The following AGBL4 variants were observed in gnomAD, a reference collection of about 807,000 sequenced individuals.
AGBL4 encodes the protein cytosolic carboxypeptidase 6.
Under a neutral mutation model 66.4 loss-of-function variants are expected in AGBL4, and 58 were observed. That is an observed-to-expected ratio of 0.87 (90% CI 0.71 to 1.09). The LOEUF is 1.09. AGBL4 is among the 50% of genes least tolerant of loss of function. AGBL4 has a pLI of 0.00. For missense variants in AGBL4, 579 were observed against 631.0 expected (o/e 0.92, Z 0.88); for synonymous variants, 234 against 222.9 (o/e 1.05, Z -0.44).
intron 4 of AGBL4, among the ~76,000 whole-genome samples, chr1:49,100,201 T>C (rs1398930623): frequency 6.6e-6 from 1 of 152,130 alleles, no homozygotes; most frequent in Non-Finnish European, 1.5e-5. Context: ...AAACTAAGGG[T>C]ACCCTTGTTA....
chr1:49,154,279 A>G (rs1646390167), intron 4 of AGBL4, among the ~76,000 whole-genome samples: 1 of 151,944 alleles, frequency 6.6e-6, no homozygotes, highest in Non-Finnish European at 1.5e-5. Context: ...CCTGGAAAAC[A>G]GGGAAAGTAA....
At chr1:49,351,676 A>G (rs1418807936) in intron 3 of AGBL4, among the ~76,000 whole-genome samples, 3 of 152,136 alleles carry the variant, frequency 2.0e-5, no homozygotes, top group Non-Finnish European at 4.4e-5. Flanking sequence ...ATTTTTTGTT[A>G]CTCTCTATAA....
At chr1:49,571,203 T>G (rs1415184029) in intron 3 of AGBL4, among the ~76,000 whole-genome samples, 1 of 152,004 alleles carries the variant, frequency 6.6e-6, no homozygotes, top group Non-Finnish European at 1.5e-5. Flanking sequence ...ACTACATTAA[T>G]TCTTCAGGTA....
intron 1 of AGBL4, among the ~76,000 whole-genome samples, chr1:49,893,634 C>T (rs1648876115): frequency 6.6e-6 from 1 of 152,178 alleles, no homozygotes; most frequent in Non-Finnish European, 1.5e-5. Context: ...GATGCTCCTC[C>T]ACCAGTGGAA....
chr1:49,125,345 C>T (rs1051337015), intron 4 of AGBL4, among the ~76,000 whole-genome samples: 6 of 151,982 alleles, frequency 3.9e-5, no homozygotes, highest in South Asian at 2.1e-4. Context: ...TTATAGATGG[C>T]GAAATGGTAT....
intron 4 of AGBL4, among the ~76,000 whole-genome samples, chr1:49,139,678 G>A (rs1270739827): frequency 6.6e-6 from 1 of 152,138 alleles, no homozygotes; most frequent in South Asian, 2.1e-4. Context: ...GTGAACAAAT[G>A]GATGGATGAA....
chr1:48,735,356 T>G (rs967052726), intron 6 of AGBL4, among the ~76,000 whole-genome samples: 4 of 151,338 alleles, frequency 2.6e-5, no homozygotes, highest in African/African-American at 9.7e-5. Context: ...TCAATACCCA[T>G]TAGAGGGCCT....
chr1:49,357,505 A>G (rs997998826), intron 3 of AGBL4, among the ~76,000 whole-genome samples: 2 of 152,162 alleles, frequency 1.3e-5, no homozygotes, highest in Non-Finnish European at 2.9e-5. Context: ...AATAAGTAGC[A>G]TATATATCTG....
intron 6 of AGBL4, among the ~76,000 whole-genome samples, chr1:48,837,711 CTAT>C (rs1322097847): frequency 3.6e-5 from 3 of 82,298 alleles, no homozygotes; most frequent in African/African-American, 1.3e-4. Context: ...CACACACACA[CTAT>C]ATATATATAT....
chr1:48,827,928 G>A (rs1157284733), intron 6 of AGBL4, among the ~76,000 whole-genome samples: 1 of 151,506 alleles, frequency 6.6e-6, no homozygotes, highest in African/African-American at 2.4e-5. Context: ...GCCGAGGCGG[G>A]CAGATCACGA....
intron 11 of AGBL4, among the ~76,000 whole-genome samples, chr1:48,563,603 C>T (rs1644429845): frequency 6.6e-6 from 1 of 151,838 alleles, no homozygotes. Flanking sequence ...GAGAAAGTGA[C>T]AGAGAGAGAG....
intron 3 of AGBL4, among the ~76,000 whole-genome samples, chr1:49,667,079 T>C (rs1646386141): frequency 6.6e-6 from 1 of 152,120 alleles, no homozygotes; most frequent in Admixed American, 6.6e-5. Context: ...AAGATAGTTG[T>C]GAGAAACAAA....
chr1:50,019,304 T>TCACACACACA (rs796097397), intron 1 of AGBL4, among the ~76,000 whole-genome samples: 850 of 46,804 alleles, frequency 0.018, 8 homozygotes, highest in African/African-American at 0.037. Flanking sequence ...TCTCTCTCTC[T>TCACACACACA]CTCACACACA....
At chr1:48,778,895 CTGGTTATG>C (rs1467881723) in intron 6 of AGBL4, among the ~76,000 whole-genome samples, 1 of 152,108 alleles carries the variant, frequency 6.6e-6, no homozygotes, top group Non-Finnish European at 1.5e-5. Flanking sequence ...AACCAACCCA[CTGGTTATG>C]TGGTACAGCC....
chr1:48,807,720 G>T (rs1260262042), intron 6 of AGBL4, among the ~76,000 whole-genome samples: 1 of 152,158 alleles, frequency 6.6e-6, no homozygotes, highest in African/African-American at 2.4e-5. Context: ...AGATGTGCAG[G>T]ATTCTTGCAC....
At chr1:49,724,813 G>A (rs1487242607) in intron 2 of AGBL4, among the ~76,000 whole-genome samples, 1 of 152,092 alleles carries the variant, frequency 6.6e-6, no homozygotes, top group African/African-American at 2.4e-5. Context: ...GCGAGGACGT[G>A]GCAAGAAGAA....
rs568978615 is a variant in AGBL4, at chr1:49,716,097, A to G, written c.158-18660T>C. ...TTTATGGTTTTAGGTCTTATGTTGA[A>G]GTCTTTAATCCATCTTAAGTTAATT... On this transcript the variant is annotated intron_variant, in intron 2 of 13. Coordinates refer to ENST00000371839, the MANE Select transcript of AGBL4 (RefSeq NM_032785.4). Among the ~76,000 whole-genome samples the G allele has an allele frequency of 3.9e-5, 6 of 152,214 alleles. No homozygotes were observed. The South Asian group carries it at 1.2e-3, about 32-fold the overall frequency.
At chr1:48,773,797 C>T (rs1222599145) in intron 6 of AGBL4, among the ~76,000 whole-genome samples, 3 of 152,294 alleles carry the variant, frequency 2.0e-5, no homozygotes, top group Non-Finnish European at 4.4e-5. Context: ...TCGGTGTCCT[C>T]ATCTATGAAA....
chr1:49,509,411 C>G (rs1219615172), intron 3 of AGBL4, among the ~76,000 whole-genome samples: 1 of 151,760 alleles, frequency 6.6e-6, no homozygotes, highest in Admixed American at 6.6e-5. Flanking sequence ...CTTTTAGATA[C>G]TTGGAAAGGT....
Sources: gnomAD v4.1 joint callset for allele counts (sites outside exome capture counted in the v4.1 genomes callset) on GRCh38, gnomAD v4.1.1 for gene constraint, MANE v1.5 for transcripts, NCBI Gene and HGNC (gene_info 2026-07-23, HGNC 2026-07-21) for gene names.